The following SIPA1L1 variants were observed in gnomAD, a reference collection of about 807,000 sequenced individuals.
The protein encoded by SIPA1L1 is signal induced proliferation associated 1 like 1, also known as signal-induced proliferation-associated 1-like protein 1.
SIPA1L1 carries 26 observed loss-of-function variants against 162.7 expected under a neutral mutation model. The ratio of observed to expected loss-of-function variants is 0.16; its 90% CI spans 0.12 to 0.22. SIPA1L1 has a LOEUF of 0.22. Ranked by LOEUF, SIPA1L1 falls within the 10% of genes least tolerant of loss-of-function variation. SIPA1L1 has a pLI of 1.00. For missense variants in SIPA1L1, 1,874 were observed against 2,241.0 expected (o/e 0.84, Z 3.31); for synonymous variants, 829 against 837.4 (o/e 0.99, Z 0.17).
At chr14:71,678,818 C>A (rs866243722) in intron 12 of SIPA1L1, among the ~76,000 whole-genome samples, 1 of 151,508 alleles carries the variant, frequency 6.6e-6, no homozygotes, top group Non-Finnish European at 1.5e-5. Flanking sequence ...ATTTCAGAGC[C>A]TGTTATTGGT....
At chr14:71,501,858 G>A (rs1180747895) in intron 2 of SIPA1L1, among the ~76,000 whole-genome samples, 1 of 151,642 alleles carries the variant, frequency 6.6e-6, no homozygotes, top group Non-Finnish European at 1.5e-5. Flanking sequence ...GCGAAACCCC[G>A]TCTCTACAAA....
At chr14:71,617,052 C>T (rs528013823) in intron 5 of SIPA1L1, among the ~76,000 whole-genome samples, 8 of 152,226 alleles carry the variant, frequency 5.3e-5, no homozygotes, top group Non-Finnish European at 7.4e-5. Context: ...TGTGCTGCAG[C>T]GGTACAATAT....
chr14:71,502,364 G>C lies in SIPA1L1; in HGVS notation c.-464-10379G>C, dbSNP rs1003197582. Among the ~76,000 whole-genome samples, 14 of 149,994 alleles carry C rather than the reference G, an allele frequency of 9.3e-5. 1 individual carries two copies. The highest frequency in any genetic ancestry group is 2.7e-4 in the African/African-American group (11 of 40,636). ...AGTGATTCTCATGCCTCAGCCTCCC[G>C]AGTAGCTGAGACTACAGGCACATGC... is the stretch of plus-strand genomic sequence containing the variant. On this transcript the variant is annotated intron_variant, in intron 2 of 23. Coordinates refer to ENST00000381232, the MANE Select transcript of SIPA1L1 (RefSeq NM_001386936.1).
intron 2 of SIPA1L1, among the ~76,000 whole-genome samples, chr14:71,471,283 A>G (rs1161447366): frequency 2.3e-4 from 35 of 152,128 alleles, no homozygotes; most frequent in Non-Finnish European, 4.3e-4. Flanking sequence ...AGCCTGGCCA[A>G]CATGGTGAAA....
At chr14:71,650,762 G>A (rs2042556346) in intron 8 of SIPA1L1, among the ~76,000 whole-genome samples, 1 of 152,132 alleles carries the variant, frequency 6.6e-6, no homozygotes, top group Admixed American at 6.5e-5. Context: ...CACAGATCGT[G>A]CAGAATTGCT....
At chr14:71,422,357 G>A (rs900000709) in intron 2 of SIPA1L1, among the ~76,000 whole-genome samples, 10 of 151,842 alleles carry the variant, frequency 6.6e-5, no homozygotes, top group East Asian at 3.9e-4. Context: ...CATTTTCACC[G>A]TACAGTTCGT....
intron 4 of SIPA1L1, among the ~76,000 whole-genome samples, chr14:71,561,686 C>T (rs1468664906): frequency 1.3e-5 from 2 of 152,238 alleles, no homozygotes; most frequent in African/African-American, 4.8e-5. Flanking sequence ...CTCCTGGGTT[C>T]AAGCCATTCT....
At chr14:71,629,533 C>T (rs186680690) in intron 7 of SIPA1L1, among the ~76,000 whole-genome samples, 1 of 152,192 alleles carries the variant, frequency 6.6e-6, no homozygotes, top group African/African-American at 2.4e-5. Flanking sequence ...GACTTCAGTG[C>T]CCGGTATTCA....
chr14:71,695,712 C>CT (rs1325803159), intron 13 of SIPA1L1, among the ~76,000 whole-genome samples: 2 of 152,330 alleles, frequency 1.3e-5, no homozygotes, highest in African/African-American at 4.8e-5. Flanking sequence ...CCACTGCTGT[C>CT]TCCTTTTTTT....
intron 2 of SIPA1L1, among the ~76,000 whole-genome samples, chr14:71,452,167 C>T (rs905575074): frequency 1.3e-5 from 2 of 149,516 alleles, no homozygotes; most frequent in Non-Finnish European, 3.0e-5. Context: ...TTACAGGAAA[C>T]CCCCCCCTCA....
At chr14:71,578,265 T>C (rs984897937) in intron 4 of SIPA1L1, among the ~76,000 whole-genome samples, 9 of 152,116 alleles carry the variant, frequency 5.9e-5, no homozygotes, top group African/African-American at 2.2e-4. Context: ...AGGTCTTGCT[T>C]TGTTTGAGTC....
chr14:71,406,814 G>A (rs1205055668), intron 2 of SIPA1L1, among the ~76,000 whole-genome samples: 1 of 152,222 alleles, frequency 6.6e-6, no homozygotes, highest in African/African-American at 2.4e-5. Flanking sequence ...GCTTAGTGCA[G>A]TAGGATGAAC....
intron 5 of SIPA1L1, among the ~76,000 whole-genome samples, chr14:71,591,872 C>T (rs1596312482): frequency 6.6e-6 from 1 of 152,202 alleles, no homozygotes; most frequent in South Asian, 2.1e-4. Context: ...TTTAATCCAA[C>T]AGCTTTCTTT....
chr14:71,702,557 G>A (rs764568440), intron 15 of SIPA1L1, 52 bp downstream of exon 15: 34 of 1,544,396 alleles, frequency 2.2e-5, no homozygotes, highest in Non-Finnish European at 2.8e-5. Context: ...GGTGACTTAG[G>A]TCACCTCTTG....
chr14:71,553,846 G>A (rs763098971), intron 4 of SIPA1L1, among the ~76,000 whole-genome samples: 65 of 151,986 alleles, frequency 4.3e-4, no homozygotes, highest in Admixed American at 2.6e-3. Flanking sequence ...TTGAATAAAT[G>A]CAATTCTTGT....
rs1284993671 is a variant in SIPA1L1 at position 71,671,284 on chromosome 14, G to A, written c.2421G>A (p.Arg807=). Residue 807 remains arginine, a synonymous_variant, in exon 11 of 24, where the codon CGG becomes CGA. Coordinates refer to ENST00000381232, the MANE Select transcript of SIPA1L1 (RefSeq NM_001386936.1). The part of the protein sequence containing the change: ...KSEKFRAMAT[R]TRQEYLKDLA... The stretch of plus-strand genomic sequence containing the variant: ...AGAAGTTTCGGGCCATGGCAACTCG[G>A]ACCCGCCAGGAATACCTGAAAGATC... The A allele has an allele frequency of 2.5e-6, 4 of 1,614,000 alleles. No individual in the cohort carries two copies. The highest frequency in any genetic ancestry group is 2.5e-6 in the Non-Finnish European group (3 of 1,180,040).
intron 2 of SIPA1L1, among the ~76,000 whole-genome samples, chr14:71,427,928 G>A (rs947055831): frequency 5.9e-5 from 9 of 151,828 alleles, no homozygotes; most frequent in African/African-American, 2.2e-4. Flanking sequence ...TCCTTTGAAT[G>A]GGCAGTATTT....
At chr14:71,683,169 G>A (rs924113927) in intron 12 of SIPA1L1, among the ~76,000 whole-genome samples, 17 of 152,208 alleles carry the variant, frequency 1.1e-4, no homozygotes, top group African/African-American at 4.1e-4. Context: ...GAAAGAGAAA[G>A]TAGTTGTACA....
chr14:71,406,756 C>G (rs887862020), intron 2 of SIPA1L1, among the ~76,000 whole-genome samples: 1 of 152,072 alleles, frequency 6.6e-6, no homozygotes, highest in Admixed American at 6.6e-5. Context: ...CTGGGCTATT[C>G]TCCTTTAATT....
Sources: gnomAD v4.1 joint callset for allele counts (sites outside exome capture counted in the v4.1 genomes callset) on GRCh38, gnomAD v4.1.1 for gene constraint, MANE v1.5 for transcripts, NCBI Gene and HGNC (gene_info 2026-07-23, HGNC 2026-07-21) for gene names.